The following TONSL variants were observed in gnomAD, a reference collection of about 807,000 sequenced individuals.
TONSL encodes tonsoku-like protein.
TONSL carries 112 observed loss-of-function variants against 147.1 expected under a neutral mutation model. That is an observed-to-expected ratio of 0.76 (90% confidence interval 0.65 to 0.89). TONSL has a LOEUF of 0.89. Among genes scored for constraint, TONSL ranks in the 40% least tolerant of loss-of-function variants. The pLI is 0.00. For missense variants in TONSL, 1,883 were observed against 1,864.6 expected (o/e 1.01, Z -0.18); for synonymous variants, 868 against 801.5 (o/e 1.08, Z -1.40).
Position 144,435,541 on chromosome 8 carries a change from G to A in TONSL, c.2785C>T (p.Pro929Ser), listed in dbSNP as rs1749413498. The A allele has an allele frequency of 7.7e-6, 12 of 1,552,060 alleles. No homozygotes were observed. Among genetic ancestry groups the A allele is most frequent in the Non-Finnish European group, 1.0e-5 (12 of 1,147,536 alleles). Residue 929 changes from proline to serine, a missense_variant, in exon 18 of 26, where the codon CCG becomes TCG. By Grantham distance (74) the Pro-to-Ser change is moderately conservative. Transcript: ENST00000409379. ...SAAGQPLGPAPPPPIRVRVQV... is the reference protein window; with the variant it reads ...SAAGQPLGPASPPPIRVRVQV... ...ACTCGAACCCGGATGGGAGGGGGCG[G>A]GGCCGGACCCTGGCAGGTGAAGGCA...
At chr8:144,439,805 C>T in intron 11 of TONSL, 2 of 548,208 alleles carry the variant, frequency 3.6e-6, no homozygotes, top group Non-Finnish European at 3.2e-6. Flanking sequence ...ACTCACTCGA[C>T]TCCCAACCAC....
In TONSL at chr8:144,440,773, C is replaced by A; in HGVS notation, c.1109G>T (p.Gly370Val). 6.2e-7 allele frequency: 1 copy of A among 1,612,922 alleles called. No individual in the cohort carries two copies. The highest frequency in any genetic ancestry group is 8.5e-7 in the Non-Finnish European group (1 of 1,179,982). ...TTCCTCCTCATAGTGGCGCACGGCCCCATGGTGGTCCTTCATGTCTCCCAG... is the reference window on the plus strand; with the variant it reads ...TTCCTCCTCATAGTGGCGCACGGCCACATGGTGGTCCTTCATGTCTCCCAG... ...TTLGDMKDHH[G>V]AVRHYEEELR... Residue 370 changes from glycine to valine, a missense_variant, in exon 9 of 26, where the codon GGG becomes GTG. Physicochemically the swap from Gly to Val is moderately radical, Grantham distance 109 (BLOSUM62 -3). Transcript: ENST00000409379.
At chr8:144,433,510 T>C in intron 22 of TONSL, 78 bp downstream of exon 22, 3 of 1,459,994 alleles carry the variant, frequency 2.1e-6, no homozygotes, top group African/African-American at 1.4e-5. Flanking sequence ...GTGCCCAGCC[T>C]GGGCCCCCTC....
rs1486786822 is a variant in TONSL at position 144,430,487 on chromosome 8, G to A, written c.3860C>T (p.Pro1287Leu). ...TTCCAAGCTGGCACAGCTGATCTCA[G>A]GGTTGGCAGACAGATCCAGTGAGAT... ...SLISLDLSAN[P>L]EISCASLEEL... The change falls in exon 25 of 26, where the codon CCT (proline) becomes CTT (leucine). Residue 1287 changes from proline to leucine, a missense_variant. Transcript: ENST00000409379. 1 of 1,613,610 alleles carries A rather than the reference G, an allele frequency of 6.2e-7. No individual in the cohort carries two copies. The highest frequency in any genetic ancestry group is 8.5e-7 in the Non-Finnish European group (1 of 1,179,762).
Position 144,436,795 on chromosome 8 carries a change from G to C in TONSL, c.1852C>G (p.Leu618Val). ...CGHFEVAELLLERGASVTLRT... is the reference protein window; with the variant it reads ...CGHFEVAELLVERGASVTLRT... ...AGGGTGACGGACGCCCCCCGTTCAA[G>C]CAGCAGCTCAGCCACCTCGAAGTGG... The change falls in exon 15 of 26, where the codon CTT (leucine) becomes GTT (valine). Residue 618 changes from leucine (L) to valine (V), a missense_variant. By Grantham distance (32) the Leu-to-Val change is conservative. Transcript: ENST00000409379. 1 of 1,611,536 alleles carries C rather than the reference G, an allele frequency of 6.2e-7. No homozygotes were observed.
rs145296463 is a variant in TONSL at position 144,434,042 on chromosome 8, T to C, written c.3323A>G (p.Asn1108Ser). 9.9e-6 allele frequency: 16 copies of C among 1,610,674 alleles called. No individual in the cohort carries two copies. Among genetic ancestry groups the C allele is most frequent in the Non-Finnish European group, 1.3e-5 (15 of 1,178,506 alleles). The change falls in exon 21 of 26, where the codon AAT (asparagine) becomes AGT (serine). Residue 1108 changes from asparagine to serine, a missense_variant. Physicochemically the swap from Asn to Ser is conservative, Grantham distance 46. Transcript: ENST00000409379. ...PSLALLDLSS[N>S]HLGPEGLRQL... is the part of the protein sequence containing the mutation. The stretch of plus-strand genomic sequence containing the variant: ...GCGCAGGCCTTCGGGACCCAGGTGA[T>C]TGGAGGAGAGGTCAAGGAGGGCCAG...
At chr8:144,440,246 G>A in intron 10 of TONSL, 36 bp from the exon 11 acceptor site, 1 of 1,568,840 alleles carries the variant, frequency 6.4e-7, no homozygotes, top group Non-Finnish European at 8.7e-7. Context: ...CAGGACTGGG[G>A]GCTGTGGACG....
intron 25 of TONSL, 107 bp from the exon 26 acceptor site, chr8:144,429,443 C>T (rs1255319087): frequency 2.7e-6 from 3 of 1,097,000 alleles, no homozygotes; most frequent in African/African-American, 3.3e-5. Flanking sequence ...GGCCCCAGGG[C>T]TGTAGCGAGG....
intron 7 of TONSL, 29 bp downstream of exon 7, chr8:144,442,008 C>A (rs372357562): frequency 6.3e-7 from 1 of 1,599,686 alleles, no homozygotes; most frequent in South Asian, 1.1e-5. Flanking sequence ...ACACACCTCC[C>A]AGGGCCCCAT....
chr8:144,440,055 G>T lies in TONSL; in HGVS notation c.1446C>A (p.Ala482=). ...EEAAATAESE[A]LEAGEVELSE... ...AGAGCTCCACCTCGCCGGCCTCCAG[G>T]GCTTCGCTCTCCGCTGTGGCTGCCG... Residue 482 remains alanine (A), a synonymous_variant, in exon 11 of 26, where the codon GCC becomes GCA. Transcript: ENST00000409379. The T allele has an allele frequency of 6.5e-7, 1 of 1,532,016 alleles. No homozygotes were observed. The highest frequency in any genetic ancestry group is 9.0e-7 in the Non-Finnish European group (1 of 1,106,936). The allele number at this position is 1,532,016 out of a possible 1,614,324, so 94.9% of individuals were successfully genotyped here. A position where few individuals can be genotyped will look rare whatever the true frequency, so the allele number is the denominator to read the frequency against.
chr8:144,432,160 ACTCT>A (rs1823228964), intron 23 of TONSL, 121 bp downstream of exon 23: 1 of 1,094,452 alleles, frequency 9.1e-7, no homozygotes, highest in African/African-American at 1.6e-5. Flanking sequence ...CAAACCTCTA[ACTCT>A]CTCTGTAGAG....
intron 13 of TONSL, among the ~76,000 whole-genome samples, chr8:144,437,407 A>C (rs1823511935): frequency 6.6e-6 from 1 of 152,152 alleles, no homozygotes; most frequent in Non-Finnish European, 1.5e-5. Context: ...ATCTCAGCCC[A>C]TGGGCTAGCC....
chr8:144,443,354 G>A (rs762599280), intron 3 of TONSL, 33 bp from the exon 4 acceptor site: 18 of 1,531,270 alleles, frequency 1.2e-5, no homozygotes, highest in South Asian at 2.4e-5. Flanking sequence ...GCTGTGAGCC[G>A]ACTCCGCCTC....
Position 144,440,986 on chromosome 8 carries a change from C to A in TONSL, c.991G>T (p.Ala331Ser), listed in dbSNP as rs372340880. 2.5e-6 allele frequency: 4 copies of A among 1,613,190 alleles called. No individual in the cohort carries two copies. Among genetic ancestry groups the A allele is most frequent in the South Asian group, 1.1e-5 (1 of 91,090 alleles). ...CACACCTGCTTCTGGTAAGCCTCAG[C>A]TGCCCTGGGAAAGTCTCCTGCCTTG... ...FSKAGDFPRA[A>S]EAYQKQLRFA... is the part of the protein sequence containing the mutation. The change falls in exon 8 of 26, where the codon GCT (alanine) becomes TCT (serine). Residue 331 changes from alanine to serine, a missense_variant. By Grantham distance (99) the Ala-to-Ser change is moderately conservative. Coordinates refer to ENST00000409379, the MANE Select transcript of TONSL (RefSeq NM_013432.5).
Position 144,442,754 on chromosome 8 carries a change from G to A in TONSL, c.501C>T (p.Asn167=), listed in dbSNP as rs768106391. The change falls in exon 5 of 26, where the codon AAC becomes AAT. Residue 167 remains asparagine, a synonymous_variant. Transcript: ENST00000409379. ...LNEMRTRLYL[N]LGLTFESLQQ... is the part of the protein sequence containing the mutation. Reference sequence around the variant, plus strand: ...GCAGGCTCTCAAAGGTGAGGCCCAGGTTGAGATAGAGGCGGGTCCTCATCT... The same window carrying A: ...GCAGGCTCTCAAAGGTGAGGCCCAGATTGAGATAGAGGCGGGTCCTCATCT... The A allele has an allele frequency of 9.3e-6, 15 of 1,613,016 alleles. No individual in the cohort carries two copies. In the East Asian group the frequency reaches 3.3e-4, roughly 36 times the overall value.
At chr8:144,430,020 T>C (rs1384534346) in intron 25 of TONSL, among the ~76,000 whole-genome samples, 1 of 151,974 alleles carries the variant, frequency 6.6e-6, no homozygotes, top group African/African-American at 2.4e-5. Context: ...CTGGGCAGGG[T>C]TGTGTCAGAG....
chr8:144,441,358 C>T (rs192666076), intron 7 of TONSL: 28 of 487,706 alleles, frequency 5.7e-5, no homozygotes, highest in South Asian at 5.6e-4. Context: ...TTTGGGAGGC[C>T]GAGGCGGGCA....
rs1564734631 is a variant in TONSL, at chr8:144,442,713, C to T, written c.542G>A (p.Cys181Tyr). The T allele has an allele frequency of 6.2e-7, 1 of 1,613,042 alleles. No individual in the cohort carries two copies. The highest frequency in any genetic ancestry group is 1.1e-5 in the South Asian group (1 of 91,088). Residue 181 changes from cysteine to tyrosine, a missense_variant, in exon 5 of 26, where the codon TGC (cysteine) becomes TAC (tyrosine). Transcript: ENST00000409379. ...GATGCTCTTCCTGAAGTAATCGTTG[C>T]ACAGGGCTGTCTGCTGCAGGCTCTC... ...TFESLQQTAL[C>Y]NDYFRKSIFL...
chr8:144,437,146 C>T, intron 13 of TONSL, 47 bp from the exon 14 acceptor site: 2 of 1,583,170 alleles, frequency 1.3e-6, no homozygotes, highest in East Asian at 2.3e-5. Context: ...ACCTCACAGC[C>T]TGGCCCCAGC....
Sources: gnomAD v4.1 joint callset for allele counts (sites outside exome capture counted in the v4.1 genomes callset) on GRCh38, gnomAD v4.1.1 for gene constraint, MANE v1.5 for transcripts, NCBI Gene and HGNC (gene_info 2026-07-23, HGNC 2026-07-21) for gene names.